The following KIAA2012 variants were observed in gnomAD, a reference collection of about 807,000 sequenced individuals.
KIAA2012 encodes KIAA2012.
In KIAA2012, 125 loss-of-function variants were observed where a neutral mutation model predicts 150.6. The observed-to-expected ratio is 0.83, with a 90% confidence interval of 0.72 to 0.96. The LOEUF (loss-of-function observed/expected upper bound fraction) is 0.96, where lower values mean the gene tolerates loss of function less well. Among genes scored for constraint, KIAA2012 ranks in the 40% least tolerant of loss-of-function variants. KIAA2012 has a pLI of 0.00. For synonymous variants in KIAA2012, 462 were observed against 504.7 expected (o/e 0.92, Z 1.13); for missense variants, 1,219 against 1,354.9 (o/e 0.90, Z 1.57).
chr2:202,102,872 C>A, intron 7 of KIAA2012, 74 bp from the exon 8 acceptor site: 1 of 1,329,742 alleles, frequency 7.5e-7, no homozygotes, highest in Non-Finnish European at 1.0e-6. Flanking sequence ...CAATAAGAGA[C>A]AGTATCGTTT....
chr2:202,186,998 A>C lies in KIAA2012; in HGVS notation c.2276A>C (p.Glu759Ala). The C allele has an allele frequency of 6.4e-7, 1 of 1,550,612 alleles. No individual in the cohort carries two copies. The highest frequency in any genetic ancestry group is 8.7e-7 in the Non-Finnish European group (1 of 1,146,998). The part of the protein sequence containing the change: ...GLLGYGPESP[E>A]RLSAVYTSLL... Reference sequence around the variant, plus strand: ...CTGGGATACGGGCCTGAGTCACCCGAGAGGTTGAGTGCTGTGTATACATCT... The same window carrying C: ...CTGGGATACGGGCCTGAGTCACCCGCGAGGTTGAGTGCTGTGTATACATCT... Residue 759 changes from glutamate to alanine, a missense_variant, in exon 17 of 24, where the codon GAG (glutamate) becomes GCG (alanine). By Grantham distance (107) the Glu-to-Ala change is moderately radical. Transcript: ENST00000498697.
chr2:202,192,717 A>C (rs2105748962), intron 19 of KIAA2012, among the ~76,000 whole-genome samples: 1 of 152,216 alleles, frequency 6.6e-6, no homozygotes. Flanking sequence ...TCAGCCTCCA[A>C]AAGTGCTAGG....
At chr2:202,141,334 CA>C (rs1468297326) in intron 13 of KIAA2012, among the ~76,000 whole-genome samples, 1 of 151,784 alleles carries the variant, frequency 6.6e-6, no homozygotes. Context: ...ACGAGAGTAG[CA>C]ACTGATATCA....
chr2:202,179,448 A>G (rs779753601), intron 15 of KIAA2012: 22 of 717,452 alleles, frequency 3.1e-5, no homozygotes, highest in Non-Finnish European at 5.0e-5. Context: ...GAGAAAAAAC[A>G]GAAATTCATT....
chr2:202,189,644 A>T lies in KIAA2012; in HGVS notation c.2492-530A>T, dbSNP rs556607057. Among the ~76,000 whole-genome samples the T allele has an allele frequency of 8.5e-5, 13 of 152,234 alleles. No individual in the cohort carries two copies. In the South Asian group the frequency reaches 2.3e-3, roughly 27 times the overall value. ...CTGAATGTCAGTTGATCCAAAGAGGATAAGGTAGTTTCTCAAACGGTGGTG... is the reference window on the plus strand; with the variant it reads ...CTGAATGTCAGTTGATCCAAAGAGGTTAAGGTAGTTTCTCAAACGGTGGTG... On this transcript the variant is annotated intron_variant, in intron 18 of 23. Coordinates refer to ENST00000498697, the MANE Select transcript of KIAA2012 (RefSeq NM_001277372.4).
intron 15 of KIAA2012, among the ~76,000 whole-genome samples, chr2:202,180,755 G>A (rs1692101835): frequency 6.6e-6 from 1 of 152,152 alleles, no homozygotes; most frequent in Admixed American, 6.6e-5. Flanking sequence ...AACCCAGGAG[G>A]TAGAGGTTGT....
At chr2:202,120,254 T>C (rs1295963830) in intron 11 of KIAA2012, among the ~76,000 whole-genome samples, 1 of 152,152 alleles carries the variant, frequency 6.6e-6, no homozygotes, top group Non-Finnish European at 1.5e-5. Flanking sequence ...TGCACACCTG[T>C]GGTCCCACCT....
chr2:202,192,818 T>C (rs1692347189), intron 19 of KIAA2012, among the ~76,000 whole-genome samples: 1 of 152,104 alleles, frequency 6.6e-6, no homozygotes, highest in Non-Finnish European at 1.5e-5. Context: ...GGCATGATCA[T>C]AGGTGACTTG....
chr2:202,139,219 G>C (rs781655289), intron 13 of KIAA2012, among the ~76,000 whole-genome samples: 1 of 145,510 alleles, frequency 6.9e-6, no homozygotes, highest in African/African-American at 2.6e-5. Context: ...AATCCAGAGT[G>C]AGACCCTGTC....
chr2:202,125,298 A>T lies in KIAA2012; in HGVS notation c.1831+16A>T. On this transcript the variant is annotated intron_variant, in intron 12 of 23. Coordinates refer to ENST00000498697, the MANE Select transcript of KIAA2012 (RefSeq NM_001277372.4). The stretch of plus-strand genomic sequence containing the variant: ...TTCCTAAAAGGTAAGCTTTTCCACT[A>T]AAAAGTCACCTCGACTTCTCTATGT... 6.5e-7 allele frequency: 1 copy of T among 1,539,376 alleles called. No individual in the cohort carries two copies. The highest frequency in any genetic ancestry group is 8.8e-7 in the Non-Finnish European group (1 of 1,137,368).
At chr2:202,135,900 G>A (rs1349496762) in intron 12 of KIAA2012, 5 of 183,800 alleles carry the variant, frequency 2.7e-5, no homozygotes, top group Non-Finnish European at 4.8e-5. Context: ...CTGGGTTCTG[G>A]GTCCTGGTCT....
chr2:202,175,133 A>T (rs900311185), intron 15 of KIAA2012, among the ~76,000 whole-genome samples: 5 of 152,102 alleles, frequency 3.3e-5, no homozygotes, highest in African/African-American at 1.2e-4. Context: ...ATTTGTAGGA[A>T]ATTGGGTCAC....
At chr2:202,114,839 G>T (rs1419464730) in intron 11 of KIAA2012, 1 of 165,548 alleles carries the variant, frequency 6.0e-6, no homozygotes, top group Non-Finnish European at 1.5e-5. Context: ...CCCACAGATG[G>T]TATATTTAAT....
intron 16 of KIAA2012, among the ~76,000 whole-genome samples, 184 bp downstream of exon 16, chr2:202,185,027 A>G (rs2204880): frequency 0.98 from 149,557 of 152,234 alleles, 73,515 homozygotes; most frequent in East Asian, 1. Flanking sequence ...ATATTGTGAT[A>G]TGTTTCCTAC....
chr2:202,117,534 TG>T (rs1313091330), intron 11 of KIAA2012, among the ~76,000 whole-genome samples: 1 of 152,208 alleles, frequency 6.6e-6, no homozygotes, highest in Non-Finnish European at 1.5e-5. Flanking sequence ...GATAAGGCCA[TG>T]TGAGGAAGAA....
intron 14 of KIAA2012, among the ~76,000 whole-genome samples, chr2:202,163,813 T>C (rs1691707092): frequency 9.5e-6 from 1 of 105,576 alleles, no homozygotes; most frequent in Non-Finnish European, 2.0e-5. Context: ...TTTTTTCCTG[T>C]ACCAGGCCAA....
At chr2:202,140,026 A>C (rs982493691) in intron 13 of KIAA2012, among the ~76,000 whole-genome samples, 1 of 152,100 alleles carries the variant, frequency 6.6e-6, no homozygotes, top group Non-Finnish European at 1.5e-5. Flanking sequence ...TCAGGAGTTC[A>C]AGACCAGCCT....
chr2:202,145,678 CTTTTTT>C (rs36059685), intron 13 of KIAA2012, among the ~76,000 whole-genome samples: 2 of 75,310 alleles, frequency 2.7e-5, no homozygotes, highest in Non-Finnish European at 4.8e-5. Flanking sequence ...TTGAGAGGGT[CTTTTTT>C]TTTTTTTTTT....
intron 15 of KIAA2012, among the ~76,000 whole-genome samples, chr2:202,168,194 G>A (rs1297887909): frequency 6.6e-6 from 1 of 152,094 alleles, no homozygotes; most frequent in African/African-American, 2.4e-5. Context: ...GCTGAGGCGG[G>A]TGGATCACAA....
Sources: allele counts gnomAD v4.1 joint callset (sites outside exome capture counted in the v4.1 genomes callset), GRCh38; gene constraint gnomAD v4.1.1; transcripts MANE v1.5; gene names NCBI Gene and HGNC (gene_info 2026-07-23, HGNC 2026-07-21).